The following MOCS1 variants were observed in gnomAD, a reference collection of about 807,000 sequenced individuals.
The protein encoded by MOCS1 is molybdenum cofactor synthesis 1, also known as molybdenum cofactor biosynthesis protein 1.
MOCS1 carries 39 observed loss-of-function variants against 57.6 expected under a neutral mutation model. The ratio of observed to expected loss-of-function variants is 0.68; its 90% CI spans 0.52 to 0.88. The LOEUF is 0.88. MOCS1 is among the 40% of genes least tolerant of loss of function. MOCS1 has a pLI of 0.00. For synonymous variants in MOCS1, 334 were observed against 335.7 expected (o/e 1.00, Z 0.05); for missense variants, 795 against 831.1 (o/e 0.96, Z 0.53).
chr6:39,930,381 C>T (rs1483346331), intron 1 of MOCS1, among the ~76,000 whole-genome samples: 1 of 152,156 alleles, frequency 6.6e-6, no homozygotes, highest in Admixed American at 6.5e-5. Context: ...CCAGGCTGGC[C>T]TGGGCTGTTT....
intron 3 of MOCS1, among the ~76,000 whole-genome samples, chr6:39,917,602 A>T (rs1402497910): frequency 6.6e-6 from 1 of 152,154 alleles, no homozygotes; most frequent in East Asian, 1.9e-4. Context: ...AGGCACTAAG[A>T]TGAGTACACC....
chr6:39,909,698 G>T, intron 9 of MOCS1, 137 bp downstream of exon 9: 1 of 1,170,874 alleles, frequency 8.5e-7, no homozygotes, highest in African/African-American at 1.5e-5. Flanking sequence ...AGCAGTGAGT[G>T]GTAGTGGGGA....
At chr6:39,933,651 G>A (rs1768756748) in intron 1 of MOCS1, among the ~76,000 whole-genome samples, 1 of 152,136 alleles carries the variant, frequency 6.6e-6, no homozygotes, top group Non-Finnish European at 1.5e-5. Context: ...CACTCTGAGG[G>A]GTGCTGGCAA....
intron 1 of MOCS1, among the ~76,000 whole-genome samples, chr6:39,930,159 T>C (rs1768572078): frequency 6.6e-6 from 1 of 152,054 alleles, no homozygotes; most frequent in Non-Finnish European, 1.5e-5. Context: ...CTGCATCTTC[T>C]CTCCTCTAAC....
At chr6:39,916,299 G>A (rs1337799344) in intron 3 of MOCS1, 67 bp from the exon 4 acceptor site, 3 of 1,594,716 alleles carry the variant, frequency 1.9e-6, no homozygotes, top group Non-Finnish European at 2.6e-6. Flanking sequence ...AAAAGGGCTG[G>A]AAGGCAAAAC....
At chr6:39,923,974 G>GT (rs1489668727) in intron 3 of MOCS1, among the ~76,000 whole-genome samples, 4 of 152,198 alleles carry the variant, frequency 2.6e-5, no homozygotes, top group African/African-American at 9.7e-5. Flanking sequence ...GAGCTGAGGG[G>GT]CGGGGGGTCC....
chr6:39,929,497 C>T (rs1330547937), intron 1 of MOCS1, among the ~76,000 whole-genome samples: 1 of 151,962 alleles, frequency 6.6e-6, no homozygotes, highest in South Asian at 2.1e-4. Flanking sequence ...TGCCAAGATA[C>T]CCCCCCTCAA....
intron 1 of MOCS1, 75 bp downstream of exon 1, chr6:39,934,220 T>C: frequency 6.9e-7 from 1 of 1,456,130 alleles, no homozygotes; most frequent in Non-Finnish European, 9.0e-7. Context: ...GGCCGGGAGC[T>C]ACTGGGGGAA....
chr6:39,924,940 C>CA lies in MOCS1; in HGVS notation c.418+737dup, dbSNP rs1768191048. Among the ~76,000 whole-genome samples the CA allele has an allele frequency of 2.0e-5, 3 of 152,146 alleles. No individual in the cohort carries two copies. The South Asian group carries it at 6.2e-4, about 32-fold the overall frequency. On this transcript the variant is annotated intron_variant, in intron 3 of 10. Coordinates refer to ENST00000340692, the MANE Select transcript of MOCS1 (RefSeq NM_001358530.2). ...CTAAAAACACAAAAAATTAGCCAGG[C>CA]ATAGCGGTGTGTGCCTGTAAGCCCA...
intron 3 of MOCS1, among the ~76,000 whole-genome samples, chr6:39,924,587 C>T (rs139252306): frequency 1.8e-4 from 28 of 152,320 alleles, no homozygotes; most frequent in African/African-American, 6.7e-4. Flanking sequence ...ATATTTTCTA[C>T]TTGGCTGGCC....
intron 1 of MOCS1, among the ~76,000 whole-genome samples, chr6:39,928,474 G>T (rs1768465703): frequency 6.6e-6 from 1 of 151,950 alleles, no homozygotes; most frequent in Non-Finnish European, 1.5e-5. Flanking sequence ...CTGATTCCAG[G>T]TTCTAAATTA....
intron 3 of MOCS1, among the ~76,000 whole-genome samples, chr6:39,920,893 C>T (rs548490809): frequency 4.0e-5 from 6 of 149,288 alleles, no homozygotes; most frequent in Non-Finnish European, 7.4e-5. Flanking sequence ...GTGGGAGGAT[C>T]GCTTGAACCC....
intron 2 of MOCS1, among the ~76,000 whole-genome samples, chr6:39,926,342 ATC>A (rs759248288): frequency 1.4e-4 from 22 of 152,098 alleles, no homozygotes; most frequent in Admixed American, 4.6e-4. Context: ...AATCCACTCT[ATC>A]TATTTCAGGT....
chr6:39,906,167 A>C lies in MOCS1; in HGVS notation c.*190T>G, dbSNP rs760971519. The C allele has an allele frequency of 7.4e-5, 58 of 785,200 alleles. No individual in the cohort carries two copies. In the Admixed American group the frequency reaches 1.0e-3, roughly 14 times the overall value. 48.6% of individuals were successfully genotyped at this position (785,200 alleles called of 1,614,324 possible). ...TGCTGGTATCCTCCCTATAGAAAGG[A>C]AGCCCCATTGGTCATTAGAGATCAT... On this transcript the variant is annotated 3_prime_UTR_variant, in exon 11 of 11. Transcript: ENST00000340692.
At position 39,904,998 on chromosome 6, in the gene MOCS1, TGACA is replaced by T; in HGVS notation, c.*1355_*1358del. The T allele has an allele frequency of 4.4e-6, 2 of 453,302 alleles. No individual in the cohort carries two copies. The highest frequency in any genetic ancestry group is 8.8e-6 in the Non-Finnish European group (2 of 226,760). The allele number at this position is 453,302 out of a possible 1,614,324, so 28.1% of individuals were successfully genotyped here. ...ATTTTCAGAAATTTTGCAAGCCATT[TGACA>T]TACTGGTAGCTTGAAATTATTCAAC... On this transcript the variant is annotated 3_prime_UTR_variant, in exon 11 of 11. Transcript: ENST00000340692.
rs45442395 is a variant in MOCS1, at chr6:39,927,797, T to G, written c.124-342A>C. On this transcript the variant is annotated intron_variant, in intron 1 of 10. Transcript: ENST00000340692. ...CTCTAGCCAGTGCCAAAAAAAGGATTGTGCACCCATGGTCTCGGGCATAAA... is the reference window on the plus strand; with the variant it reads ...CTCTAGCCAGTGCCAAAAAAAGGATGGTGCACCCATGGTCTCGGGCATAAA... The G allele has an allele frequency of 4.1e-3, 5,698 of 1,373,844 alleles. 57 individuals are homozygous for G. The East Asian group carries it at 0.042, about 10-fold the overall frequency. 85.1% of individuals were successfully genotyped at this position (1,373,844 alleles called of 1,614,324 possible).
Position 39,925,642 on chromosome 6 carries a change from G to A in MOCS1, c.418+36C>T, listed in dbSNP as rs376780548. ...TCAGTGTCCAGCCGGATGAGGCAGC[G>A]CTGGGAGAAGTGGCGATGACTTTCG... On this transcript the variant is annotated intron_variant, in intron 3 of 10. Transcript: ENST00000340692. 3.0e-5 allele frequency: 48 copies of A among 1,611,992 alleles called. 1 individual carries two copies. Among genetic ancestry groups the A allele is most frequent in the South Asian group, 2.2e-4 (20 of 91,012 alleles).
intron 1 of MOCS1, among the ~76,000 whole-genome samples, chr6:39,930,756 T>C (rs1330334345): frequency 6.6e-6 from 1 of 152,216 alleles, no homozygotes; most frequent in African/African-American, 2.4e-5. Context: ...TGCCAGGTGC[T>C]ATTTTAATCC....
intron 4 of MOCS1, among the ~76,000 whole-genome samples, chr6:39,915,658 C>A (rs968351345): frequency 6.6e-6 from 1 of 152,074 alleles, no homozygotes; most frequent in African/African-American, 2.4e-5. Flanking sequence ...CTGGGGGACC[C>A]CCTCCTGGCA....
Sources: allele counts gnomAD v4.1 joint callset (sites outside exome capture counted in the v4.1 genomes callset), GRCh38; gene constraint gnomAD v4.1.1; transcripts MANE v1.5; gene names NCBI Gene and HGNC (gene_info 2026-07-23, HGNC 2026-07-21).